Variants in LEPROTL1 observed in about 807,000 individuals in gnomAD.
The protein encoded by LEPROTL1 is leptin receptor overlapping transcript-like 1.
Under a neutral mutation model 15.4 loss-of-function variants are expected in LEPROTL1, and 6 were observed. That is an observed-to-expected ratio of 0.39 (90% confidence interval 0.21 to 0.77). The LOEUF (loss-of-function observed/expected upper bound fraction) is 0.77, where lower values mean the gene tolerates loss of function less well. Ranked by LOEUF, LEPROTL1 falls within the 30% of genes least tolerant of loss-of-function variation. LEPROTL1 has a pLI of 0.41. For synonymous variants in LEPROTL1, 56 were observed against 52.6 expected (o/e 1.06, Z -0.28); for missense variants, 128 against 158.1 (o/e 0.81, Z 1.02).
Position 30,107,623 on chromosome 8 carries a change from C to A in LEPROTL1, c.*1761C>A. The A allele has an allele frequency of 1.0e-6, 1 of 985,820 alleles. No individual in the cohort carries two copies. The highest frequency in any genetic ancestry group is 1.2e-6 in the Non-Finnish European group (1 of 829,938). The allele number at this position is 985,820 out of a possible 1,614,324, so 61.1% of individuals were successfully genotyped here. A position where few individuals can be genotyped will look rare whatever the true frequency, so the allele number is the denominator to read the frequency against. On this transcript the variant is annotated 3_prime_UTR_variant, in exon 4 of 4. Transcript: ENST00000321250. ...CGAAATATCGGCGTGTGGCTGGAGC[C>A]TTCCCACTGGAGGCTGAAAGTGGCT...
chr8:30,110,705 G>A (rs2117495970), downstream of LEPROTL1, among the ~76,000 whole-genome samples: 1 of 152,226 alleles, frequency 6.6e-6, no homozygotes, highest in East Asian at 1.9e-4. Flanking sequence ...CTGCACTCCA[G>A]TCTGGGTGGC....
At chr8:30,132,305 G>A (rs144856522) in intron 3 of LEPROTL1, 25 of 1,551,646 alleles carry the variant, frequency 1.6e-5, no homozygotes, top group South Asian at 5.9e-5. Flanking sequence ...AATACAAGCC[G>A]TCGGAGCCAT....
At chr8:30,119,845 G>C (rs1224717197) in intron 3 of LEPROTL1, among the ~76,000 whole-genome samples, 1 of 152,172 alleles carries the variant, frequency 6.6e-6, no homozygotes, top group Admixed American at 6.5e-5. Context: ...GAGGTAGGTG[G>C]ATCACTTCAG....
Position 30,106,482 on chromosome 8 carries a change from G to C in LEPROTL1, c.*620G>C. The C allele has an allele frequency of 1.0e-6, 1 of 985,862 alleles. No individual in the cohort carries two copies. Among genetic ancestry groups the C allele is most frequent in the Non-Finnish European group, 1.2e-6 (1 of 829,926 alleles). 61.1% of individuals were successfully genotyped at this position (985,862 alleles called of 1,614,324 possible). On this transcript the variant is annotated 3_prime_UTR_variant, in exon 4 of 4. Coordinates refer to ENST00000321250, the MANE Select transcript of LEPROTL1 (RefSeq NM_015344.3). ...GGGTTGTTGGTTTTACTGGTAGACAGATGTTTTGTGGATTGAAAATTATTT... is the reference window on the plus strand; with the variant it reads ...GGGTTGTTGGTTTTACTGGTAGACACATGTTTTGTGGATTGAAAATTATTT...
At chr8:30,123,012 G>T (rs530698030) in intron 3 of LEPROTL1, among the ~76,000 whole-genome samples, 1 of 152,220 alleles carries the variant, frequency 6.6e-6, no homozygotes, top group Admixed American at 6.5e-5. Context: ...GTCAGCTGGG[G>T]GTTGGTGGAT....
At chr8:30,095,677 G>C in intron 1 of LEPROTL1, 149 bp downstream of exon 1, 1 of 747,114 alleles carries the variant, frequency 1.3e-6, no homozygotes, top group Non-Finnish European at 2.1e-6. Flanking sequence ...CCGGCCCTGC[G>C]CTTGGCCCGG....
chr8:30,137,242 T>C, intron 4 of LEPROTL1: 5 of 1,494,490 alleles, frequency 3.3e-6, no homozygotes, highest in Non-Finnish European at 4.6e-6. Flanking sequence ...TTCTCTAGAC[T>C]GTAATTAGCT....
chr8:30,127,387 G>A (rs1049703166), intron 3 of LEPROTL1, among the ~76,000 whole-genome samples: 2 of 152,172 alleles, frequency 1.3e-5, no homozygotes, highest in Admixed American at 6.5e-5. Context: ...GGAGGCCAGA[G>A]GTCAGGAGGT....
intron 2 of LEPROTL1, among the ~76,000 whole-genome samples, chr8:30,103,955 AG>A (rs1802513867): frequency 6.6e-6 from 1 of 152,194 alleles, no homozygotes; most frequent in African/African-American, 2.4e-5. Flanking sequence ...AGCCTGCCAG[AG>A]TCATAAGATC....
downstream of LEPROTL1, among the ~76,000 whole-genome samples, chr8:30,109,669 A>G (rs557212871): frequency 6.6e-6 from 1 of 152,092 alleles, no homozygotes; most frequent in South Asian, 2.1e-4. Flanking sequence ...TTTGTTTCCA[A>G]GTTGCTGACT....
downstream of LEPROTL1, chr8:30,138,031 T>G (rs971574598): frequency 5.8e-6 from 1 of 172,246 alleles, no homozygotes; most frequent in Non-Finnish European, 1.3e-5. Flanking sequence ...ACCCAGGAGC[T>G]GACTCAATGC....
chr8:30,132,049 C>A, intron 3 of LEPROTL1: 1 of 1,551,798 alleles, frequency 6.4e-7, no homozygotes, highest in Non-Finnish European at 8.7e-7. Flanking sequence ...AGAGGAGAGA[C>A]TCCTGACCTC....
At chr8:30,134,704 C>A (rs957902033) in intron 4 of LEPROTL1, among the ~76,000 whole-genome samples, 2 of 151,868 alleles carry the variant, frequency 1.3e-5, no homozygotes, top group African/African-American at 4.8e-5. Flanking sequence ...CACGCCACCA[C>A]GCCCAGCTAA....
At chr8:30,129,710 G>GTCTC (rs765601094) in intron 3 of LEPROTL1, among the ~76,000 whole-genome samples, 116 of 105,288 alleles carry the variant, frequency 1.1e-3, no homozygotes, top group African/African-American at 4.3e-3. Context: ...GTGAGACCCT[G>GTCTC]TCACACACAC....
rs573482825 is a variant in LEPROTL1 at position 30,117,212 on chromosome 8, G to A, written c.279+12726G>A. Among the ~76,000 whole-genome samples the A allele has an allele frequency of 2.6e-5, 4 of 152,218 alleles. No individual in the cohort carries two copies. The South Asian group carries it at 8.3e-4, about 32-fold the overall frequency. Reference sequence around the variant, plus strand: ...AAAATCAAAATGATCTTAAGGCCAGGTGTGGTGGCTCAGGCCTGTAATCCC... The same window carrying A: ...AAAATCAAAATGATCTTAAGGCCAGATGTGGTGGCTCAGGCCTGTAATCCC... On this transcript the variant is annotated intron_variant, in intron 3 of 4. Coordinates refer to the LEPROTL1 transcript ENST00000442880.
intron 3 of LEPROTL1, among the ~76,000 whole-genome samples, chr8:30,120,391 C>T (rs759425775): frequency 6.6e-6 from 1 of 152,064 alleles, no homozygotes; most frequent in Non-Finnish European, 1.5e-5. Context: ...TTACATGATA[C>T]TCTTTTAGTT....
chr8:30,132,993 G>A, intron 4 of LEPROTL1: 1 of 1,325,136 alleles, frequency 7.5e-7, no homozygotes. Context: ...GATCTCGCAG[G>A]AAATAGATAG....
intron 4 of LEPROTL1, chr8:30,132,652 T>C (rs1207328154): frequency 6.4e-7 from 1 of 1,551,544 alleles, no homozygotes; most frequent in South Asian, 1.2e-5. Context: ...CCAGAAAGAG[T>C]GTCTGGGATG....
At chr8:30,118,019 G>GGTTGTTT (rs751348725) in intron 3 of LEPROTL1, among the ~76,000 whole-genome samples, 2 of 26,782 alleles carry the variant, frequency 7.5e-5, no homozygotes, top group African/African-American at 1.2e-4. Flanking sequence ...TTTTTGATTT[G>GGTTGTTT]TTTTTTTTTT....
Sources: gnomAD v4.1 joint callset for allele counts (sites outside exome capture counted in the v4.1 genomes callset) on GRCh38, gnomAD v4.1.1 for gene constraint, MANE v1.5 for transcripts, NCBI Gene and HGNC (gene_info 2026-07-23, HGNC 2026-07-21) for gene names.